Variants in GNG2 observed in about 807,000 individuals in gnomAD.
GNG2 encodes G protein subunit gamma 2, also known as guanine nucleotide-binding protein G(I)/G(S)/G(O) subunit gamma-2.
GNG2 carries 5 observed loss-of-function variants against 5.5 expected under a neutral mutation model. That is an observed-to-expected ratio of 0.91 (90% CI 0.48 to 1.92). The LOEUF is 1.92. Among genes scored for constraint, GNG2 ranks in the 30% most tolerant of loss-of-function variants. The probability of loss-of-function intolerance (pLI) is 0.01; values close to 1 mark genes in which losing one functional copy is unlikely to be tolerated. For synonymous variants in GNG2, 28 were observed against 32.0 expected (o/e 0.88, Z 0.42); for missense variants, 55 against 88.4 (o/e 0.62, Z 1.52).
intron 2 of GNG2, among the ~76,000 whole-genome samples, chr14:51,853,202 A>C (rs911499553): frequency 1.3e-5 from 2 of 152,230 alleles, no homozygotes; most frequent in African/African-American, 4.8e-5. Context: ...ATTCAGTTAA[A>C]GTTAACAAAC....
chr14:51,880,967 G>GAAAAAAAAA (rs11463019), intron 2 of GNG2, among the ~76,000 whole-genome samples: 11 of 101,978 alleles, frequency 1.1e-4, no homozygotes, highest in South Asian at 3.6e-4. Flanking sequence ...CAAAAAAAAA[G>GAAAAAAAAA]AAAAAAAAAA....
At chr14:51,840,575 T>C (rs1324860749) in intron 2 of GNG2, among the ~76,000 whole-genome samples, 1 of 152,214 alleles carries the variant, frequency 6.6e-6, no homozygotes, top group East Asian at 1.9e-4. Flanking sequence ...GCATCTTAAA[T>C]TTTGCTTCTC....
At chr14:51,828,856 G>C (rs7148855) in intron 2 of GNG2, among the ~76,000 whole-genome samples, 1 of 151,948 alleles carries the variant, frequency 6.6e-6, no homozygotes. Flanking sequence ...GGCTGGGGAC[G>C]GCAGAGGCTT....
chr14:51,909,061 C>T (rs1057477733), intron 2 of GNG2, among the ~76,000 whole-genome samples: 1 of 152,058 alleles, frequency 6.6e-6, no homozygotes. Context: ...TAAAGAACTG[C>T]ACTATTCTGA....
chr14:51,961,906 G>T (rs1196505683), intron 3 of GNG2, among the ~76,000 whole-genome samples: 9 of 152,160 alleles, frequency 5.9e-5, no homozygotes, highest in Non-Finnish European at 1.0e-4. Context: ...CAAAGTTTTG[G>T]TTTTCTACAA....
At chr14:51,827,645 A>G (rs1881063728) in intron 1 of GNG2, 1 of 695,834 alleles carries the variant, frequency 1.4e-6, no homozygotes, top group African/African-American at 1.8e-5. Context: ...ATGTTCATCC[A>G]CGTATATGTT....
intron 1 of GNG2, among the ~76,000 whole-genome samples, chr14:51,874,350 G>A (rs924019602): frequency 1.1e-4 from 17 of 150,892 alleles, no homozygotes; most frequent in Non-Finnish European, 1.9e-4. Context: ...GCGTGAACCC[G>A]TGAGGAGGAG....
At chr14:51,900,717 G>A (rs923439567) in intron 2 of GNG2, among the ~76,000 whole-genome samples, 7 of 151,842 alleles carry the variant, frequency 4.6e-5, no homozygotes, top group African/African-American at 1.7e-4. Flanking sequence ...TGGGCCTGGG[G>A]CAGAGCAGAG....
chr14:51,940,655 C>T (rs1367870250), intron 2 of GNG2, among the ~76,000 whole-genome samples: 5 of 151,598 alleles, frequency 3.3e-5, no homozygotes, highest in East Asian at 1.9e-4. Context: ...AACCCAGATC[C>T]TCCGGGGCTT....
chr14:51,836,856 C>CTTTTTTT lies in GNG2; in HGVS notation c.64+9062_64+9068dup, dbSNP rs369095215. Among the ~76,000 whole-genome samples the CTTTTTTT allele has an allele frequency of 1.5e-5, 2 of 130,676 alleles. 1 individual carries two copies. The highest frequency in any genetic ancestry group is 3.2e-5 in the Non-Finnish European group (2 of 61,654). The allele number at this position is 130,676 out of a possible 152,430, so 85.7% of individuals were successfully genotyped here. A position where few individuals can be genotyped will look rare whatever the true frequency, so the allele number is the denominator to read the frequency against. On this transcript the variant is annotated intron_variant, in intron 2 of 3. Transcript: ENST00000553432. The stretch of plus-strand genomic sequence containing the variant: ...ATATTATGATTTTAAGTGACTTCAT[C>CTTTTTTT]TTTTTTTTTTTTTTTTTTTGAGACA...
At chr14:51,877,960 G>A (rs1376836631) in intron 2 of GNG2, 4 of 223,924 alleles carry the variant, frequency 1.8e-5, no homozygotes, top group African/African-American at 4.7e-5. Context: ...TGATTAATAG[G>A]TGGCAGACAT....
At chr14:51,854,840 G>A (rs4901167) in intron 2 of GNG2, among the ~76,000 whole-genome samples, 32,744 of 151,936 alleles carry the variant, frequency 0.22, 4,058 homozygotes, top group East Asian at 0.48. Flanking sequence ...ACCTACTTCC[G>A]GCTCTGGCTA....
intron 1 of GNG2, among the ~76,000 whole-genome samples, chr14:51,827,453 A>G (rs962899683): frequency 2.0e-5 from 3 of 152,214 alleles, no homozygotes; most frequent in Non-Finnish European, 4.4e-5. Context: ...GATACCTGCT[A>G]AAGTTGGACA....
upstream of GNG2, among the ~76,000 whole-genome samples, chr14:51,857,776 T>C (rs976594706): frequency 6.6e-6 from 1 of 152,164 alleles, no homozygotes; most frequent in Non-Finnish European, 1.5e-5. Flanking sequence ...GGATTATTCT[T>C]ATATTCCTGA....
At chr14:51,897,316 G>C (rs1049954530) in intron 2 of GNG2, among the ~76,000 whole-genome samples, 2 of 152,186 alleles carry the variant, frequency 1.3e-5, no homozygotes, top group African/African-American at 2.4e-5. Context: ...TCCTTAGTTT[G>C]ATCATCTAGG....
At chr14:51,886,408 T>A (rs1452191369) in intron 2 of GNG2, among the ~76,000 whole-genome samples, 2 of 152,332 alleles carry the variant, frequency 1.3e-5, no homozygotes, top group Non-Finnish European at 2.9e-5. Flanking sequence ...ATCCCATGAA[T>A]GTCAGTGTTT....
chr14:51,845,299 C>T (rs1050277516), intron 2 of GNG2, among the ~76,000 whole-genome samples: 7 of 152,072 alleles, frequency 4.6e-5, no homozygotes, highest in South Asian at 2.1e-4. Flanking sequence ...GAGACCAACC[C>T]GAGCAACACG....
chr14:51,858,469 C>T (rs972861325), upstream of GNG2, among the ~76,000 whole-genome samples: 2 of 152,130 alleles, frequency 1.3e-5, no homozygotes, highest in Non-Finnish European at 2.9e-5. Context: ...AGAGGTTTTC[C>T]TATATAGGCT....
intron 2 of GNG2, among the ~76,000 whole-genome samples, chr14:51,844,672 T>A (rs1881575163): frequency 6.6e-6 from 1 of 152,112 alleles, no homozygotes; most frequent in African/African-American, 2.4e-5. Context: ...TCCAGCTGAC[T>A]CCCAGCTGGA....
Sources: allele counts gnomAD v4.1 joint callset (sites outside exome capture counted in the v4.1 genomes callset), GRCh38; gene constraint gnomAD v4.1.1; transcripts MANE v1.5; gene names NCBI Gene and HGNC (gene_info 2026-07-23, HGNC 2026-07-21).